Variants in PEX14 observed in about 807,000 individuals in gnomAD.
The protein encoded by PEX14 is peroxisomal membrane protein PEX14.
PEX14 carries 15 observed loss-of-function variants against 49.5 expected under a neutral mutation model. That is an observed-to-expected ratio of 0.30 (90% CI 0.20 to 0.47). PEX14 has a LOEUF of 0.47. Among genes scored for constraint, PEX14 ranks in the 20% least tolerant of loss-of-function variants. The probability of loss-of-function intolerance (pLI) is 1.00; values close to 1 mark genes in which losing one functional copy is unlikely to be tolerated. For missense variants in PEX14, 398 were observed against 494.8 expected, an observed-to-expected ratio of 0.80 and a Z score of 1.86; for synonymous variants, 210 against 212.7, an observed-to-expected ratio of 0.99 and a Z score of 0.11.
rs929310751 is a variant in PEX14 at position 10,494,878 on chromosome 1, C to T, written c.37-396C>T. On this transcript the variant is annotated intron_variant, in intron 1 of 8. Transcript: ENST00000356607. This position sits in a 1 kb window ranked among gnomAD's most constrained non-coding sequence, Gnocchi z 4.3. ...TGCTGCGCGACTTTTCTTCCCAGTC[C>T]CCTGACGTTGGGGAGGTGGCAGAAA... 5.3e-5 allele frequency among the ~76,000 whole-genome samples: 8 copies of T among 152,172 alleles called. No individual in the cohort carries two copies. Among genetic ancestry groups the T allele is most frequent in the African/African-American group, 1.9e-4 (8 of 41,444 alleles).
chr1:10,596,373 G>T (rs892158992), intron 3 of PEX14, among the ~76,000 whole-genome samples: 2 of 152,206 alleles, frequency 1.3e-5, no homozygotes, highest in African/African-American at 4.8e-5. Flanking sequence ...AGTTGTCCAG[G>T]CGTCATTTAC....
At chr1:10,533,308 G>A (rs892380297) in intron 2 of PEX14, among the ~76,000 whole-genome samples, 1 of 151,932 alleles carries the variant, frequency 6.6e-6, no homozygotes, top group African/African-American at 2.4e-5. Flanking sequence ...ACATAAACAA[G>A]CCCCAAATAT....
chr1:10,627,266 T>C lies in PEX14; in HGVS notation c.586-6T>C. ...CGCCCTGAGCCTCCCTGTGCTCTGC[T>C]TTCAGGCCACCACATCCACCAACTG... On this transcript the variant is annotated splice_polypyrimidine_tract_variant and splice_region_variant and intron_variant, in intron 7 of 8. Coordinates refer to ENST00000356607, the MANE Select transcript of PEX14 (RefSeq NM_004565.3). 6.2e-7 allele frequency: 1 copy of C among 1,611,420 alleles called. No homozygotes were observed. Among genetic ancestry groups the C allele is most frequent in the Non-Finnish European group, 8.5e-7 (1 of 1,177,846 alleles).
chr1:10,488,084 T>G (rs1450384949), intron 1 of PEX14, among the ~76,000 whole-genome samples: 1 of 152,144 alleles, frequency 6.6e-6, no homozygotes, highest in Non-Finnish European at 1.5e-5. Context: ...CCTGGCCTAT[T>G]ACTTTTTTTA....
At chr1:10,574,471 T>G (rs1296895977) in intron 3 of PEX14, among the ~76,000 whole-genome samples, 1 of 152,208 alleles carries the variant, frequency 6.6e-6, no homozygotes, top group Non-Finnish European at 1.5e-5. Flanking sequence ...TTAGGATTAG[T>G]GTAATTTTGC....
chr1:10,483,581 C>A (rs965355710), intron 1 of PEX14, among the ~76,000 whole-genome samples: 1 of 151,450 alleles, frequency 6.6e-6, no homozygotes, highest in African/African-American at 2.5e-5. Context: ...CCCCAAAGTG[C>A]TGGGATTATA....
chr1:10,553,440 T>C (rs10157119), intron 3 of PEX14, among the ~76,000 whole-genome samples: 30,853 of 152,188 alleles, frequency 0.2, 3,285 homozygotes, highest in East Asian at 0.33. Flanking sequence ...AGTCAGGCAG[T>C]GGCGCTGGCT....
chr1:10,500,357 G>C (rs181155620), intron 2 of PEX14, among the ~76,000 whole-genome samples: 1 of 108,810 alleles, frequency 9.2e-6, no homozygotes, highest in African/African-American at 3.5e-5. Flanking sequence ...CTGGGCGACA[G>C]AGCCAGATTC....
chr1:10,612,860 C>CTAGAGACACT (rs1356770457), intron 4 of PEX14, among the ~76,000 whole-genome samples: 2 of 152,246 alleles, frequency 1.3e-5, no homozygotes, highest in Admixed American at 1.3e-4. Context: ...ATGTGAGAAG[C>CTAGAGACACT]TAGAGACACT....
chr1:10,499,723 A>AG (rs1419337761), intron 2 of PEX14, among the ~76,000 whole-genome samples: 1 of 152,162 alleles, frequency 6.6e-6, no homozygotes, highest in Non-Finnish European at 1.5e-5. Flanking sequence ...CTGGGATTAC[A>AG]GGTGTGAGCC....
intron 3 of PEX14, 83 bp from the exon 4 acceptor site, chr1:10,599,155 G>A: frequency 7.1e-7 from 1 of 1,408,754 alleles, no homozygotes; most frequent in East Asian, 2.3e-5. Context: ...TGGCTGTAAA[G>A]GTCTTTGCTC....
intron 2 of PEX14, chr1:10,528,278 A>G (rs1429416719): frequency 2.0e-6 from 2 of 979,920 alleles, no homozygotes; most frequent in Non-Finnish European, 2.4e-6. Context: ...AGAGAGCTTC[A>G]CCAATCTCCA....
chr1:10,479,349 C>A (rs1641245948), intron 1 of PEX14, among the ~76,000 whole-genome samples: 1 of 151,960 alleles, frequency 6.6e-6, no homozygotes, highest in South Asian at 2.1e-4. Flanking sequence ...TGCCCTCCAG[C>A]CTGGGTGAGA....
intron 2 of PEX14, among the ~76,000 whole-genome samples, chr1:10,527,944 T>C (rs1638539089): frequency 6.6e-6 from 1 of 152,236 alleles, no homozygotes; most frequent in African/African-American, 2.4e-5. Flanking sequence ...GTGTTGGGAT[T>C]ACAAGCGTGA....
chr1:10,562,917 TTC>T (rs1639690985), intron 3 of PEX14, among the ~76,000 whole-genome samples: 25 of 150,054 alleles, frequency 1.7e-4, no homozygotes, highest in South Asian at 2.1e-4. Context: ...TTTCTTTCTT[TTC>T]TTTTTTTTTA....
At chr1:10,582,818 C>T (rs909597733) in intron 3 of PEX14, among the ~76,000 whole-genome samples, 2 of 152,036 alleles carry the variant, frequency 1.3e-5, no homozygotes, top group Admixed American at 1.3e-4. Flanking sequence ...ACTGTGACCT[C>T]CGCCTCCCGG....
chr1:10,490,244 C>T (rs1570142257), intron 1 of PEX14, among the ~76,000 whole-genome samples: 2 of 152,294 alleles, frequency 1.3e-5, no homozygotes, highest in Non-Finnish European at 2.9e-5. Context: ...TTATTCTTCC[C>T]AGCAGAGAAC....
At chr1:10,476,131 T>G (rs1339884787) in intron 1 of PEX14, among the ~76,000 whole-genome samples, 1 of 152,210 alleles carries the variant, frequency 6.6e-6, no homozygotes, top group African/African-American at 2.4e-5. Context: ...CTTACTAGTA[T>G]TTCACTTCCT....
At position 10,629,390 on chromosome 1, in the gene PEX14, G is replaced by A. The variant is rs965771760; in HGVS notation, c.678-141G>A. 5 of 696,040 alleles carry A rather than the reference G, an allele frequency of 7.2e-6. No individual in the cohort carries two copies. Among genetic ancestry groups the A allele is most frequent in the Non-Finnish European group, 1.3e-5 (5 of 386,636 alleles). The allele number at this position is 696,040 out of a possible 1,614,324, so 43.1% of individuals were successfully genotyped here. A position where few individuals can be genotyped will look rare whatever the true frequency, so the allele number is the denominator to read the frequency against. On this transcript the variant is annotated intron_variant, in intron 8 of 8. Coordinates refer to ENST00000356607, the MANE Select transcript of PEX14 (RefSeq NM_004565.3). This position sits in a 1 kb window ranked among gnomAD's most constrained non-coding sequence, Gnocchi z 8.5. ...TGCTCCTGAAAGGAGGGGTGGAAGG[G>A]CTCCATCCTGTCCCTTGCCCAGTGT...
Sources: allele counts gnomAD v4.1 joint callset (sites outside exome capture counted in the v4.1 genomes callset), GRCh38; gene constraint gnomAD v4.1.1; non-coding constraint Gnocchi (gnomAD v3.1); transcripts MANE v1.5; gene names NCBI Gene and HGNC (gene_info 2026-07-23, HGNC 2026-07-21).